The following ONECUT2 variants were observed in gnomAD, a reference collection of about 807,000 sequenced individuals.
ONECUT2 encodes one cut homeobox 2, also known as one cut domain family member 2.
Under a neutral mutation model 27.9 loss-of-function variants are expected in ONECUT2, and 10 were observed. The ratio of observed to expected loss-of-function variants is 0.36; its 90% CI spans 0.22 to 0.61. The LOEUF (loss-of-function observed/expected upper bound fraction) is 0.61, where lower values mean the gene tolerates loss of function less well. Ranked by LOEUF, ONECUT2 falls within the 20% of genes least tolerant of loss-of-function variation. ONECUT2 has a pLI of 0.73. For missense variants in ONECUT2, 686 were observed against 721.0 expected, an observed-to-expected ratio of 0.95 and a Z score of 0.56; for synonymous variants, 334 against 315.1, an observed-to-expected ratio of 1.06 and a Z score of -0.64.
At chr18:57,452,349 T>C (rs1419925305) in intron 1 of ONECUT2, among the ~76,000 whole-genome samples, 1 of 152,224 alleles carries the variant, frequency 6.6e-6, no homozygotes, top group Non-Finnish European at 1.5e-5. Context: ...ATCCCACTGC[T>C]CTAGTGTCCC....
chr18:57,442,169 T>G (rs2050178658), intron 1 of ONECUT2, among the ~76,000 whole-genome samples: 1 of 150,568 alleles, frequency 6.6e-6, no homozygotes, highest in Non-Finnish European at 1.5e-5. Flanking sequence ...GAAGGAGCAC[T>G]AAGGTGAATT....
chr18:57,446,684 A>T (rs1453211385), intron 1 of ONECUT2, among the ~76,000 whole-genome samples: 1 of 152,244 alleles, frequency 6.6e-6, no homozygotes, highest in Non-Finnish European at 1.5e-5. Context: ...GAAGTAGCTT[A>T]AAGGGCTTTT....
At position 57,487,697 on chromosome 18, in the gene ONECUT2, T is replaced by A. The variant is rs1338549563; in HGVS notation, c.*10974T>A. On this transcript the variant is annotated 3_prime_UTR_variant, in exon 2 of 2. Transcript: ENST00000491143. ...GGCTGTCCCTCCCTAGACTTGGAGGTGACTCTCACTTAATTTTTACCTGCC... is the reference window on the plus strand; with the variant it reads ...GGCTGTCCCTCCCTAGACTTGGAGGAGACTCTCACTTAATTTTTACCTGCC... 1 of 152,090 alleles carries A rather than the reference T, an allele frequency of 6.6e-6. No individual in the cohort carries two copies. Among genetic ancestry groups the A allele is most frequent in the Non-Finnish European group, 1.5e-5 (1 of 68,014 alleles). 9.4% of individuals were successfully genotyped at this position (152,090 alleles called of 1,614,324 possible). A position where few individuals can be genotyped will look rare whatever the true frequency, so the allele number is the denominator to read the frequency against.
At chr18:57,474,616 G>A (rs1222638071) in intron 1 of ONECUT2, among the ~76,000 whole-genome samples, 1 of 152,112 alleles carries the variant, frequency 6.6e-6, no homozygotes, top group East Asian at 1.9e-4. Context: ...CTATTCCTGA[G>A]GGCTCCAACT....
At chr18:57,440,625 C>T (rs2050168857) in intron 1 of ONECUT2, among the ~76,000 whole-genome samples, 1 of 152,256 alleles carries the variant, frequency 6.6e-6, no homozygotes, top group Admixed American at 6.5e-5. Flanking sequence ...GCCTGGGCCA[C>T]CTGATGCCCG....
Position 57,476,720 on chromosome 18 carries a change from A to C in ONECUT2, c.1512A>C (p.Ala504=). Residue 504 remains alanine, a synonymous_variant, in exon 2 of 2, where the codon GCA becomes GCC. Transcript: ENST00000491143. ...CCACCTCCAGCACGTGTACCAAAGCATGATGGAAGGACTCTCACTTGGGCA... is the reference window on the plus strand; with the variant it reads ...CCACCTCCAGCACGTGTACCAAAGCCTGATGGAAGGACTCTCACTTGGGCA... ...SSSTSSTCTK[A] is the part of the protein sequence containing the mutation. 1 of 1,613,842 alleles carries C rather than the reference A, an allele frequency of 6.2e-7. No individual in the cohort carries two copies. The highest frequency in any genetic ancestry group is 1.1e-5 in the South Asian group (1 of 91,046).
chr18:57,477,297 C>T lies in ONECUT2; in HGVS notation c.*574C>T, dbSNP rs546347951. 59 of 150,644 alleles carry T rather than the reference C, an allele frequency of 3.9e-4. No individual in the cohort carries two copies. The highest frequency in any genetic ancestry group is 5.9e-4 in the Non-Finnish European group (40 of 67,752). The allele number at this position is 150,644 out of a possible 1,614,324, so 9.3% of individuals were successfully genotyped here. On this transcript the variant is annotated 3_prime_UTR_variant, in exon 2 of 2. Coordinates refer to ENST00000491143, the MANE Select transcript of ONECUT2 (RefSeq NM_004852.3). ...ACATCAGAATGGTAATTACTGAGCA[C>T]AAGTTTTAAATATGGACGTTAAAAA...
intron 1 of ONECUT2, among the ~76,000 whole-genome samples, chr18:57,455,683 G>C (rs1456654361): frequency 6.6e-6 from 1 of 152,032 alleles, no homozygotes; most frequent in Non-Finnish European, 1.5e-5. Context: ...ATGGGGTCTG[G>C]TTACAGCTGC....
Position 57,476,622 on chromosome 18 carries a change from A to C in ONECUT2, c.1414A>C (p.Asn472His). The C allele has an allele frequency of 6.2e-7, 1 of 1,614,180 alleles. No individual in the cohort carries two copies. Among genetic ancestry groups the C allele is most frequent in the Non-Finnish European group, 8.5e-7 (1 of 1,180,034 alleles). ...GGGCCTGGAGCTCACAACCGTCAGC[A>C]ACTTCTTCATGAACGCCCGGCGCCG... ...QLGLELTTVS[N>H]FFMNARRRSL... Residue 472 changes from asparagine to histidine, a missense_variant, in exon 2 of 2, where the codon AAC becomes CAC. By Grantham distance (68) the Asn-to-His change is moderately conservative. Transcript: ENST00000491143.
intron 1 of ONECUT2, among the ~76,000 whole-genome samples, chr18:57,459,613 A>G (rs968615686): frequency 6.6e-5 from 10 of 152,170 alleles, no homozygotes; most frequent in East Asian, 1.9e-4. Flanking sequence ...GCTGAGTCCA[A>G]TGGTGGTGCA....
rs1179677027 is a variant in ONECUT2, at chr18:57,487,367, GT to G, written c.*10646del. On this transcript the variant is annotated 3_prime_UTR_variant, in exon 2 of 2. Coordinates refer to ENST00000491143, the MANE Select transcript of ONECUT2 (RefSeq NM_004852.3). ...GCATATTTAATTTCCACCAAAAGGA[GT>G]TATTTTGGCTTTATGCTCATGAACT... 2 of 152,138 alleles carry G rather than the reference GT, an allele frequency of 1.3e-5. No individual in the cohort carries two copies. The highest frequency in any genetic ancestry group is 2.9e-5 in the Non-Finnish European group (2 of 68,034). The allele number at this position is 152,138 out of a possible 1,614,324, so 9.4% of individuals were successfully genotyped here. A position where few individuals can be genotyped will look rare whatever the true frequency, so the allele number is the denominator to read the frequency against.
At chr18:57,448,728 C>T (rs1461615387) in intron 1 of ONECUT2, among the ~76,000 whole-genome samples, 1 of 152,212 alleles carries the variant, frequency 6.6e-6, no homozygotes. Flanking sequence ...GCATTACACT[C>T]TACAAGGACT....
At chr18:57,468,901 C>G (rs573312261) in intron 1 of ONECUT2, among the ~76,000 whole-genome samples, 9 of 151,966 alleles carry the variant, frequency 5.9e-5, no homozygotes, top group Non-Finnish European at 1.3e-4. Context: ...CAGATTAGTT[C>G]CAAAGGAAGG....
chr18:57,446,711 C>T (rs1431191643), intron 1 of ONECUT2, among the ~76,000 whole-genome samples: 1 of 152,318 alleles, frequency 6.6e-6, no homozygotes, highest in East Asian at 1.9e-4. Flanking sequence ...TCCTTTGAAA[C>T]TGTAACCTCT....
In ONECUT2 at chr18:57,477,725, G is replaced by A. The variant is rs509970; in HGVS notation, c.*1002G>A. On this transcript the variant is annotated 3_prime_UTR_variant, in exon 2 of 2. Coordinates refer to ENST00000491143, the MANE Select transcript of ONECUT2 (RefSeq NM_004852.3). ...TTTTAAAAGATCTAGGTTTTTTTAG[G>A]TCATTAATGTGTCCTTGGTTGATCA... The A allele has an allele frequency of 0.97, 147,343 of 152,660 alleles. 71,326 individuals are homozygous for A. The highest frequency in any genetic ancestry group is 1 in the East Asian group (5,184 of 5,184). The allele number at this position is 152,660 out of a possible 1,614,324, so 9.5% of individuals were successfully genotyped here.
chr18:57,458,965 A>G lies in ONECUT2; in HGVS notation c.1229-17472A>G, dbSNP rs150377771. Among the ~76,000 whole-genome samples, 1,413 of 152,250 alleles carry G rather than the reference A, an allele frequency of 9.3e-3. 20 individuals are homozygous for G. The highest frequency in any genetic ancestry group is 0.032 in the African/African-American group (1,342 of 41,520). ...TGCTTTATTTTGTTATATTTTTATG[A>G]TTTCTAATGAACCTTGATATAATCA... is the stretch of plus-strand genomic sequence containing the variant. On this transcript the variant is annotated intron_variant, in intron 1 of 1. Coordinates refer to ENST00000491143, the MANE Select transcript of ONECUT2 (RefSeq NM_004852.3).
chr18:57,450,461 A>C (rs1307732289), intron 1 of ONECUT2, among the ~76,000 whole-genome samples: 1 of 152,248 alleles, frequency 6.6e-6, no homozygotes, highest in African/African-American at 2.4e-5. Flanking sequence ...GGCGTGAGCC[A>C]CTGCACCCAA....
chr18:57,463,633 T>G (rs897722755), intron 1 of ONECUT2, among the ~76,000 whole-genome samples: 2 of 152,206 alleles, frequency 1.3e-5, no homozygotes, highest in Non-Finnish European at 2.9e-5. Context: ...AGGTATTCTT[T>G]AATTTCTCTA....
chr18:57,490,138 A>G lies in ONECUT2; in HGVS notation c.*13415A>G, dbSNP rs188166881. 5.9e-5 allele frequency: 9 copies of G among 152,068 alleles called. No homozygotes were observed. The South Asian group carries it at 1.2e-3, about 21-fold the overall frequency. The allele number at this position is 152,068 out of a possible 1,614,324, so 9.4% of individuals were successfully genotyped here. A position where few individuals can be genotyped will look rare whatever the true frequency, so the allele number is the denominator to read the frequency against. ...GGAAAGAGCTGGTCCATTTTTTTTC[A>G]TTCTTTCTATTCAAATTTTTCCACC... is the stretch of plus-strand genomic sequence containing the variant. On this transcript the variant is annotated 3_prime_UTR_variant, in exon 2 of 2. Coordinates refer to ENST00000491143, the MANE Select transcript of ONECUT2 (RefSeq NM_004852.3).
Sources: allele counts gnomAD v4.1 joint callset (sites outside exome capture counted in the v4.1 genomes callset), GRCh38; gene constraint gnomAD v4.1.1; transcripts MANE v1.5; gene names NCBI Gene and HGNC (gene_info 2026-07-23, HGNC 2026-07-21).